NEO1: variants seen among roughly 807,000 people sequenced by gnomAD.
The protein encoded by NEO1 is neogenin.
A neutral mutation model predicts 159.7 loss-of-function variants in NEO1; 63 were observed. That is an observed-to-expected ratio of 0.39 (90% CI 0.32 to 0.49). NEO1 has a LOEUF of 0.49. Among genes scored for constraint, NEO1 ranks in the 20% least tolerant of loss-of-function variants. The pLI, the probability that NEO1 is intolerant of heterozygous loss-of-function variation, is 0.85. For synonymous variants in NEO1, 633 were observed against 662.0 expected, an observed-to-expected ratio of 0.96 and a Z score of 0.67; for missense variants, 1,615 against 1,831.0, an observed-to-expected ratio of 0.88 and a Z score of 2.15.
intron 1 of NEO1, among the ~76,000 whole-genome samples, chr15:73,064,579 C>G (rs2068118792): frequency 6.6e-6 from 1 of 152,162 alleles, no homozygotes; most frequent in African/African-American, 2.4e-5. Flanking sequence ...ATCCTCCTGC[C>G]TCAGCCTCCC....
At chr15:73,108,762 A>G (rs141633316) in intron 1 of NEO1, among the ~76,000 whole-genome samples, 114 of 152,336 alleles carry the variant, frequency 7.5e-4, no homozygotes, top group Non-Finnish European at 8.2e-4. Context: ...TGTAGAAGGG[A>G]CAGTTTGGTT....
At chr15:73,146,097 T>A (rs1300676746) in intron 5 of NEO1, among the ~76,000 whole-genome samples, 1 of 152,218 alleles carries the variant, frequency 6.6e-6, no homozygotes, top group Non-Finnish European at 1.5e-5. Context: ...TCCTATCCCT[T>A]GTACCCTTCT....
intron 7 of NEO1, among the ~76,000 whole-genome samples, chr15:73,221,034 G>A (rs1020022581): frequency 3.0e-4 from 45 of 152,108 alleles, no homozygotes; most frequent in Non-Finnish European, 8.8e-5. Context: ...TTTCTGCTCT[G>A]TTTTTTCCCC....
chr15:73,238,178 T>G (rs1269506898), intron 8 of NEO1, among the ~76,000 whole-genome samples: 1 of 152,100 alleles, frequency 6.6e-6, no homozygotes, highest in East Asian at 1.9e-4. Flanking sequence ...CAGAGCCAAT[T>G]GTTAAACATT....
At position 73,263,240 on chromosome 15, in the gene NEO1, C is replaced by G. The variant is rs192737630; in HGVS notation, c.2398+2775C>G. 7.8e-4 allele frequency among the ~76,000 whole-genome samples: 113 copies of G among 144,282 alleles called. 1 individual carries two copies. Among genetic ancestry groups the G allele is most frequent in the African/African-American group, 2.8e-3 (109 of 38,840 alleles). The allele number at this position is 144,282 out of a possible 152,430, so 94.7% of individuals were successfully genotyped here. On this transcript the variant is annotated intron_variant, in intron 15 of 28. Transcript: ENST00000261908. ...ACAGCATCTCACTCTGTTGCCCAGG[C>G]TGGAGGGCAGTGGCGCGATCTCAGC...
chr15:73,213,392 C>G lies in NEO1; in HGVS notation c.1292-22955C>G, dbSNP rs937008835. ...ATCACCTGAACAGTATACAATGCAC[C>G]ATATTTGTAGTCTTTTGTCCCTCGC... On this transcript the variant is annotated intron_variant, in intron 7 of 28. Coordinates refer to ENST00000261908, the MANE Select transcript of NEO1 (RefSeq NM_002499.4). Among the ~76,000 whole-genome samples the G allele has an allele frequency of 4.6e-5, 7 of 152,066 alleles. No individual in the cohort carries two copies. In the South Asian group the frequency reaches 1.5e-3, roughly 32 times the overall value.
At chr15:73,161,301 A>G (rs1338769615) in intron 5 of NEO1, among the ~76,000 whole-genome samples, 1 of 152,216 alleles carries the variant, frequency 6.6e-6, no homozygotes, top group Non-Finnish European at 1.5e-5. Context: ...TACAAATCCA[A>G]CATTATTCTT....
intron 11 of NEO1, among the ~76,000 whole-genome samples, chr15:73,253,178 T>C (rs891705012): frequency 1.4e-4 from 21 of 152,110 alleles, no homozygotes; most frequent in African/African-American, 4.6e-4. Context: ...GTGTAGGTGC[T>C]TTCCCATATG....
In NEO1 at chr15:73,249,291, T is replaced by C. The variant is rs1038453762; in HGVS notation, c.1755+83T>C. 3.5e-6 allele frequency: 5 copies of C among 1,424,126 alleles called. No homozygotes were observed. The East Asian group carries it at 9.3e-5, about 27-fold the overall frequency. 88.2% of individuals were successfully genotyped at this position (1,424,126 alleles called of 1,614,324 possible). A position where few individuals can be genotyped will look rare whatever the true frequency, so the allele number is the denominator to read the frequency against. On this transcript the variant is annotated intron_variant, in intron 10 of 28. Coordinates refer to ENST00000261908, the MANE Select transcript of NEO1 (RefSeq NM_002499.4). Reference sequence around the variant, plus strand: ...TTCCAAAACTCAGTAGTTGCTTGACTGGAAATGTGAGGGGGAAAAAGAAAC... The same window carrying C: ...TTCCAAAACTCAGTAGTTGCTTGACCGGAAATGTGAGGGGGAAAAAGAAAC...
At chr15:73,237,271 G>A (rs2039231707) in intron 8 of NEO1, among the ~76,000 whole-genome samples, 1 of 152,136 alleles carries the variant, frequency 6.6e-6, no homozygotes, top group Non-Finnish European at 1.5e-5. Flanking sequence ...TCCCTTGTAC[G>A]TGTATTTGTA....
rs373283015 is a variant in NEO1 at position 73,301,314 on chromosome 15, C to T, written c.4166-7C>T. 49 of 1,614,164 alleles carry T rather than the reference C, an allele frequency of 3.0e-5. No individual in the cohort carries two copies. The highest frequency in any genetic ancestry group is 1.0e-4 in the Admixed American group (6 of 60,024). ...GCCACATATCTGATGGTGCCCTTTC[C>T]CCTCAGCTCTGAACCATCACATTCA... On this transcript the variant is annotated splice_polypyrimidine_tract_variant and splice_region_variant and intron_variant, in intron 27 of 28. Transcript: ENST00000261908.
chr15:73,149,030 G>GT (rs1414638786), intron 5 of NEO1, among the ~76,000 whole-genome samples: 2 of 151,742 alleles, frequency 1.3e-5, no homozygotes, highest in Non-Finnish European at 2.9e-5. Context: ...CAAATACAGA[G>GT]TTTTGTCCAG....
intron 13 of NEO1, 142 bp downstream of exon 13, chr15:73,254,971 C>A: frequency 1.3e-6 from 1 of 788,196 alleles, no homozygotes; most frequent in Non-Finnish European, 1.9e-6. Flanking sequence ...GTTCAATCCA[C>A]TTCTGACTTG....
At chr15:73,165,087 TG>T (rs1304894156) in intron 5 of NEO1, among the ~76,000 whole-genome samples, 3 of 144,886 alleles carry the variant, frequency 2.1e-5, no homozygotes, top group Non-Finnish European at 4.5e-5. Context: ...TCCACATGCC[TG>T]GCCAATTTTT....
At chr15:73,146,864 A>C (rs2032941275) in intron 5 of NEO1, among the ~76,000 whole-genome samples, 1 of 152,200 alleles carries the variant, frequency 6.6e-6, no homozygotes, top group African/African-American at 2.4e-5. Flanking sequence ...TTTGTACATC[A>C]GGCAAAATGC....
At chr15:73,216,904 C>T (rs1157885260) in intron 7 of NEO1, among the ~76,000 whole-genome samples, 1 of 151,964 alleles carries the variant, frequency 6.6e-6, no homozygotes, top group Non-Finnish European at 1.5e-5. Context: ...ATGGTAGTTT[C>T]TTTTGCTGTG....
At chr15:73,167,884 A>G (rs1262172813) in intron 5 of NEO1, among the ~76,000 whole-genome samples, 2 of 152,238 alleles carry the variant, frequency 1.3e-5, no homozygotes, top group African/African-American at 2.4e-5. Context: ...AAACATGAGC[A>G]CAAATGTTGG....
intron 1 of NEO1, among the ~76,000 whole-genome samples, chr15:73,115,519 A>G: frequency 6.6e-6 from 1 of 152,310 alleles, no homozygotes; most frequent in East Asian, 1.9e-4. Flanking sequence ...ATAATATAGA[A>G]TTTATGTCAT....
In NEO1 at chr15:73,128,436, A is replaced by G. The variant is rs564609357; in HGVS notation, c.878+1866A>G. ...TCTGAAGATATAAAACTTATATATA[A>G]TGATTTTTTATGTCAGAAATAAATG... On this transcript the variant is annotated intron_variant, in intron 4 of 28. Coordinates refer to ENST00000261908, the MANE Select transcript of NEO1 (RefSeq NM_002499.4). Among the ~76,000 whole-genome samples, 30 of 152,316 alleles carry G rather than the reference A, an allele frequency of 2.0e-4. 2 individuals are homozygous for G. In the South Asian group the frequency reaches 5.8e-3, roughly 29 times the overall value.
Sources: allele counts gnomAD v4.1 joint callset (sites outside exome capture counted in the v4.1 genomes callset), GRCh38; gene constraint gnomAD v4.1.1; transcripts MANE v1.5; gene names NCBI Gene and HGNC (gene_info 2026-07-23, HGNC 2026-07-21).